Variants in SEC14L5 observed in about 807,000 individuals in gnomAD.
The protein encoded by SEC14L5 is SEC14 like lipid binding 5.
A neutral mutation model predicts 84.6 loss-of-function variants in SEC14L5; 96 were observed. The observed-to-expected ratio is 1.13, with a 90% CI of 0.96 to 1.34. The LOEUF (loss-of-function observed/expected upper bound fraction) is 1.34. Among genes scored for constraint, SEC14L5 ranks in the 40% most tolerant of loss-of-function variants. The pLI is 0.00. For synonymous variants in SEC14L5, 546 were observed against 383.4 expected, an observed-to-expected ratio of 1.42 and a Z score of -4.95; for missense variants, 1,224 against 942.5, an observed-to-expected ratio of 1.30 and a Z score of -3.91.
chr16:5,013,193 T>A (rs921211042), intron 15 of SEC14L5, among the ~76,000 whole-genome samples: 18 of 152,088 alleles, frequency 1.2e-4, no homozygotes, highest in African/African-American at 4.3e-4. Context: ...GAGATGAGAT[T>A]TACTTGGGCC....
chr16:5,010,946 A>C (rs1051723137), intron 14 of SEC14L5, 149 bp from the exon 15 acceptor site: 1 of 689,570 alleles, frequency 1.5e-6, no homozygotes, highest in Non-Finnish European at 2.4e-6. Flanking sequence ...AGGCCCTGAC[A>C]GGAGGAGTTG....
intron 6 of SEC14L5, among the ~76,000 whole-genome samples, chr16:4,994,969 T>C (rs1011140605): frequency 2.0e-5 from 3 of 152,150 alleles, no homozygotes; most frequent in African/African-American, 7.2e-5. Flanking sequence ...TTTTTCTCCC[T>C]CATCCCATCC....
At chr16:5,002,428 C>A (rs1955687244) in intron 10 of SEC14L5, among the ~76,000 whole-genome samples, 1 of 151,780 alleles carries the variant, frequency 6.6e-6, no homozygotes, top group Non-Finnish European at 1.5e-5. Context: ...TCCCAGGTAG[C>A]TGGGATTACA....
At chr16:5,006,787 A>G (rs898282065) in intron 12 of SEC14L5, among the ~76,000 whole-genome samples, 1 of 152,186 alleles carries the variant, frequency 6.6e-6, no homozygotes, top group Non-Finnish European at 1.5e-5. Flanking sequence ...TGGCTTATGG[A>G]AAGACACTGA....
At chr16:4,962,514 C>T (rs1955136372) in intron 2 of SEC14L5, among the ~76,000 whole-genome samples, 1 of 152,066 alleles carries the variant, frequency 6.6e-6, no homozygotes, top group Admixed American at 6.6e-5. Context: ...ATGGTAAAAC[C>T]TTGTCTCTAC....
At chr16:5,010,735 G>A (rs1224686865) in intron 14 of SEC14L5, among the ~76,000 whole-genome samples, 2 of 152,136 alleles carry the variant, frequency 1.3e-5, no homozygotes, top group African/African-American at 2.4e-5. Flanking sequence ...GCACCTGTGA[G>A]CTCCCGGCCC....
At chr16:4,966,267 C>CATTTTTT (rs1458960687) in intron 2 of SEC14L5, among the ~76,000 whole-genome samples, 7 of 78,770 alleles carry the variant, frequency 8.9e-5, no homozygotes, top group Non-Finnish European at 1.2e-4. Flanking sequence ...CGCCCGGCCT[C>CATTTTTT]TTTTTTTTTT....
chr16:4,986,165 G>A (rs1397911168), intron 2 of SEC14L5, among the ~76,000 whole-genome samples: 1 of 150,560 alleles, frequency 6.6e-6, no homozygotes, highest in East Asian at 1.9e-4. Flanking sequence ...TTGAGACAGA[G>A]TTTCGCTCTT....
chr16:5,003,634 G>T, intron 11 of SEC14L5, 61 bp downstream of exon 11: 1 of 958,952 alleles, frequency 1.0e-6, no homozygotes. Context: ...GAGGGGTTCC[G>T]TCTGCAAGCA....
At chr16:5,007,541 G>T in intron 13 of SEC14L5, 55 bp downstream of exon 13, 1 of 1,539,380 alleles carries the variant, frequency 6.5e-7, no homozygotes, top group South Asian at 1.1e-5. Flanking sequence ...GTCGTCTTAG[G>T]TCAGGTGACC....
At position 5,008,843 on chromosome 16, in the gene SEC14L5, G is replaced by A. The variant is rs534172241; in HGVS notation, c.1800+195G>A. ...GCTCACCTGCCCAATGGCAGCCGGT[G>A]CAAAATCGAGAAAGCACGGGGTGCT... On this transcript the variant is annotated intron_variant, in intron 14 of 15. Coordinates refer to ENST00000251170, the MANE Select transcript of SEC14L5 (RefSeq NM_014692.2). Among the ~76,000 whole-genome samples the A allele has an allele frequency of 3.3e-5, 5 of 152,330 alleles. No individual in the cohort carries two copies. The South Asian group carries it at 8.3e-4, about 25-fold the overall frequency.
At chr16:4,971,295 C>T (rs958089842) in intron 2 of SEC14L5, among the ~76,000 whole-genome samples, 3 of 151,952 alleles carry the variant, frequency 2.0e-5, no homozygotes, top group African/African-American at 7.3e-5. Flanking sequence ...CTTGTCTCTA[C>T]AAAAAATTAA....
chr16:4,977,446 C>CAAAAAAAAAAAAAAAAAAAAAA (rs762657125), intron 2 of SEC14L5, among the ~76,000 whole-genome samples: 3 of 66,142 alleles, frequency 4.5e-5, no homozygotes, highest in African/African-American at 1.3e-4. Context: ...GACTCCGTCT[C>CAAAAAAAAAAAAAAAAAAAAAA]AAAAAAAAAA....
intron 2 of SEC14L5, among the ~76,000 whole-genome samples, chr16:4,986,433 C>T (rs1342846554): frequency 1.3e-5 from 2 of 152,246 alleles, no homozygotes; most frequent in African/African-American, 2.4e-5. Context: ...AGCCACCACA[C>T]CTGGCCTGCT....
chr16:5,008,545 G>A lies in SEC14L5; in HGVS notation c.1697G>A (p.Gly566Glu). 6.2e-7 allele frequency: 1 copy of A among 1,609,366 alleles called. No individual in the cohort carries two copies. The highest frequency in any genetic ancestry group is 1.3e-5 in the African/African-American group (1 of 74,584). Residue 566 changes from glycine (G) to glutamate (E), a missense_variant, in exon 14 of 16, where the codon GGG becomes GAG. By Grantham distance (98) the Gly-to-Glu change is moderately conservative. Coordinates refer to ENST00000251170, the MANE Select transcript of SEC14L5 (RefSeq NM_014692.2). ...CCCAGGCTGGGCGCCCGGGAACCGGGGACCAGGGCCAGCGGGCAGCTGATC... is the reference window on the plus strand; with the variant it reads ...CCCAGGCTGGGCGCCCGGGAACCGGAGACCAGGGCCAGCGGGCAGCTGATC... ...QAPRLGAREP[G>E]TRASGQLIDK...
rs149566187 is a variant in SEC14L5, at chr16:4,959,878, C to T, written c.63+492C>T. Among the ~76,000 whole-genome samples, 1,224 of 151,486 alleles carry T rather than the reference C, an allele frequency of 8.1e-3. 11 individuals are homozygous for T. The highest frequency in any genetic ancestry group is 0.011 in the Non-Finnish European group (774 of 67,834). On this transcript the variant is annotated intron_variant, in intron 2 of 15. Transcript: ENST00000251170. ...GGGATGACACTAAGTTCTGTATCTACGCAGAGGTGGAGTCGGGGCTGAGAT... is the reference window on the plus strand; with the variant it reads ...GGGATGACACTAAGTTCTGTATCTATGCAGAGGTGGAGTCGGGGCTGAGAT...
intron 8 of SEC14L5, among the ~76,000 whole-genome samples, chr16:4,999,246 G>C (rs1389316479): frequency 6.6e-6 from 1 of 152,208 alleles, no homozygotes. Flanking sequence ...GCAGGCACCA[G>C]CTACAGGGCT....
At chr16:4,971,672 G>A (rs1381303501) in intron 2 of SEC14L5, among the ~76,000 whole-genome samples, 1 of 152,156 alleles carries the variant, frequency 6.6e-6, no homozygotes, top group African/African-American at 2.4e-5. Context: ...ACCTGCTGAT[G>A]TCCCCTGGGA....
chr16:5,006,203 C>A (rs1387492162), intron 12 of SEC14L5, among the ~76,000 whole-genome samples, 155 bp downstream of exon 12: 1 of 152,204 alleles, frequency 6.6e-6, no homozygotes, highest in African/African-American at 2.4e-5. Context: ...TCTCAGCAGC[C>A]ACAGGGCTTG....
Sources: allele counts gnomAD v4.1 joint callset (sites outside exome capture counted in the v4.1 genomes callset), GRCh38; gene constraint gnomAD v4.1.1; transcripts MANE v1.5; gene names NCBI Gene and HGNC (gene_info 2026-07-23, HGNC 2026-07-21).